BBS5: variants seen among roughly 807,000 people sequenced by gnomAD.
BBS5 encodes BBSome complex member BBS5.
Under a neutral mutation model 50.2 loss-of-function variants are expected in BBS5, and 39 were observed. The observed-to-expected ratio is 0.78, with a 90% confidence interval of 0.60 to 1.01. BBS5 has a LOEUF of 1.01. BBS5 is among the 50% of genes least tolerant of loss of function. The pLI, the probability that BBS5 is intolerant of heterozygous loss-of-function variation, is 0.00. For synonymous variants in BBS5, 134 were observed against 133.1 expected (o/e 1.01, Z -0.05); for missense variants, 356 against 401.5 (o/e 0.89, Z 0.97).
At chr2:169,481,758 A>G (rs1387982116) in intron 1 of BBS5, among the ~76,000 whole-genome samples, 1 of 152,052 alleles carries the variant, frequency 6.6e-6, no homozygotes, top group African/African-American at 2.4e-5. Flanking sequence ...TCCTTCTATA[A>G]TTTCCTGATG....
chr2:169,503,506 G>GA (rs1168705916), intron 10 of BBS5, among the ~76,000 whole-genome samples: 2 of 151,022 alleles, frequency 1.3e-5, no homozygotes, highest in Non-Finnish European at 1.5e-5. Flanking sequence ...TATAAAAAAA[G>GA]AAAAAAAAGG....
chr2:169,491,286 C>G (rs890608001), intron 5 of BBS5, among the ~76,000 whole-genome samples: 1 of 152,132 alleles, frequency 6.6e-6, no homozygotes, highest in African/African-American at 2.4e-5. Context: ...ATTAAAAACA[C>G]TATGTGCTTC....
At chr2:169,499,898 A>G (rs188048015) in intron 9 of BBS5, among the ~76,000 whole-genome samples, 34 of 152,264 alleles carry the variant, frequency 2.2e-4, no homozygotes, top group Admixed American at 2.1e-3. Flanking sequence ...CTCCTCTGAT[A>G]CAGACTTGAG....
chr2:169,481,623 G>GTT (rs10646618), intron 1 of BBS5, among the ~76,000 whole-genome samples: 12,744 of 149,234 alleles, frequency 0.085, 651 homozygotes, highest in South Asian at 0.23. Context: ...ATTTTGCTAG[G>GTT]TTTTTTTTTT....
At chr2:169,489,121 A>G (rs1683539186) in intron 5 of BBS5, among the ~76,000 whole-genome samples, 1 of 152,082 alleles carries the variant, frequency 6.6e-6, no homozygotes, top group Admixed American at 6.6e-5. Context: ...CCTCCTGAGT[A>G]GCTAGAACTA....
chr2:169,494,443 A>G (rs1219316796), intron 7 of BBS5, among the ~76,000 whole-genome samples: 1 of 152,116 alleles, frequency 6.6e-6, no homozygotes, highest in Non-Finnish European at 1.5e-5. Flanking sequence ...CAGGCTGGGC[A>G]TGGTGGCTTA....
Position 169,497,708 on chromosome 2 carries a change from T to C in BBS5, c.681+19T>C, listed in dbSNP as rs1003449386. 4 of 1,517,430 alleles carry C rather than the reference T, an allele frequency of 2.6e-6. No individual in the cohort carries two copies. Among genetic ancestry groups the C allele is most frequent in the African/African-American group, 1.4e-5 (1 of 72,856 alleles). The allele number at this position is 1,517,430 out of a possible 1,614,324, so 94.0% of individuals were successfully genotyped here. On this transcript the variant is annotated intron_variant, in intron 8 of 11. Transcript: ENST00000295240. ...TCAGCAGGTAAGATCTTGTATATTT[T>C]TATTAATCTTTGATTTTTAAAACTA... is the stretch of plus-strand genomic sequence containing the variant.
chr2:169,484,172 C>T (rs1683449713), intron 2 of BBS5, among the ~76,000 whole-genome samples: 1 of 152,060 alleles, frequency 6.6e-6, no homozygotes, highest in Non-Finnish European at 1.5e-5. Context: ...TGCTTAAGGC[C>T]AGGAATTAGA....
At chr2:169,482,375 T>G in intron 2 of BBS5, 42 bp downstream of exon 2, 1 of 1,250,828 alleles carries the variant, frequency 8.0e-7, no homozygotes. Flanking sequence ...CTGGTTTAAT[T>G]TACAAATGTT....
At chr2:169,495,309 A>G (rs774347602) in intron 7 of BBS5, among the ~76,000 whole-genome samples, 2 of 152,370 alleles carry the variant, frequency 1.3e-5, no homozygotes, top group Middle Eastern at 3.4e-3. Context: ...ATTGCATTAC[A>G]TTAATGTGTT....
At position 169,487,787 on chromosome 2, in the gene BBS5, C is replaced by A. The variant is rs564695479; in HGVS notation, c.209-19C>A. 77 of 1,586,658 alleles carry A rather than the reference C, an allele frequency of 4.9e-5. No individual in the cohort carries two copies. The South Asian group carries it at 6.1e-4, about 13-fold the overall frequency. On this transcript the variant is annotated intron_variant, in intron 3 of 11. Transcript: ENST00000295240. ...TGTACCATATCATGCTCTTTACATT[C>A]TTTGCTTTTGGATTTTAGCTGTCGG...
At chr2:169,503,998 CT>C (rs1439278775) in intron 10 of BBS5, among the ~76,000 whole-genome samples, 2 of 151,798 alleles carry the variant, frequency 1.3e-5, no homozygotes, top group Admixed American at 6.6e-5. Flanking sequence ...CTTTTTTTCT[CT>C]TTTTTACCTG....
Position 169,488,118 on chromosome 2 carries a change from T to G in BBS5, c.386+4T>G. The G allele has an allele frequency of 6.2e-7, 1 of 1,612,638 alleles. No homozygotes were observed. The highest frequency in any genetic ancestry group is 8.5e-7 in the Non-Finnish European group (1 of 1,179,038). On this transcript the variant is annotated splice_donor_region_variant and intron_variant, in intron 5 of 11. Coordinates refer to ENST00000295240, the MANE Select transcript of BBS5 (RefSeq NM_152384.3). Reference sequence around the variant, plus strand: ...CTTCTGTGATGGCAGTACACAGGTATAGTAATACTTTATGGATTATTGAAT... The same window carrying G: ...CTTCTGTGATGGCAGTACACAGGTAGAGTAATACTTTATGGATTATTGAAT...
At chr2:169,490,968 G>GT (rs1683586199) in intron 5 of BBS5, among the ~76,000 whole-genome samples, 1 of 152,054 alleles carries the variant, frequency 6.6e-6, no homozygotes, top group African/African-American at 2.4e-5. Context: ...GTCCATTCAT[G>GT]TTGTAGCATG....
chr2:169,495,075 A>G (rs926983979), intron 7 of BBS5, among the ~76,000 whole-genome samples: 4 of 152,208 alleles, frequency 2.6e-5, no homozygotes, highest in Non-Finnish European at 4.4e-5. Context: ...TAGAGATACA[A>G]TCATGAAAAT....
chr2:169,493,821 A>G lies in BBS5; in HGVS notation c.603A>G (p.Ile201Met), dbSNP rs748963554. Residue 201 changes from isoleucine (I) to methionine (M), a missense_variant, in exon 7 of 12, where the codon ATA (isoleucine) becomes ATG (methionine). Transcript: ENST00000295240. ...TGAATGATAGTTTTAATGTCAGTAT[A>G]CCATATCTGCAAATTGTAAGTACAT... is the stretch of plus-strand genomic sequence containing the variant. ...ANMNDSFNVS[I>M]PYLQIRSIKI... is the part of the protein sequence containing the mutation. The G allele has an allele frequency of 5.6e-6, 9 of 1,597,048 alleles. No individual in the cohort carries two copies. The African/African-American group carries it at 1.2e-4, about 21-fold the overall frequency.
At chr2:169,483,901 C>T (rs1683444730) in intron 2 of BBS5, among the ~76,000 whole-genome samples, 1 of 152,168 alleles carries the variant, frequency 6.6e-6, no homozygotes, top group Admixed American at 6.5e-5. Flanking sequence ...ATGGCTGTAT[C>T]TTGACGAACT....
Position 169,493,841 on chromosome 2 carries a change from G to GTACA in BBS5, c.618+11_618+14dup. 1.3e-6 allele frequency: 2 copies of GTACA among 1,556,294 alleles called. No individual in the cohort carries two copies. Among genetic ancestry groups the GTACA allele is most frequent in the Non-Finnish European group, 1.8e-6 (2 of 1,128,272 alleles). On this transcript the variant is annotated splice_donor_region_variant and intron_variant, in intron 7 of 11. Transcript: ENST00000295240. ...AGTATACCATATCTGCAAATTGTAA[G>GTACA]TACATACATTTTGATGACCTTATTT...
At chr2:169,486,984 C>A in intron 2 of BBS5, 85 bp from the exon 3 acceptor site, 1 of 871,846 alleles carries the variant, frequency 1.1e-6, no homozygotes, top group Non-Finnish European at 2.0e-6. Flanking sequence ...TAATACTGGG[C>A]CAGAAGTTCC....
Sources: allele counts gnomAD v4.1 joint callset (sites outside exome capture counted in the v4.1 genomes callset), GRCh38; gene constraint gnomAD v4.1.1; transcripts MANE v1.5; gene names NCBI Gene and HGNC (gene_info 2026-07-23, HGNC 2026-07-21).